CELSR1: variants seen among roughly 807,000 people sequenced by gnomAD.
CELSR1 encodes cadherin EGF LAG seven-pass G-type receptor 1.
A neutral mutation model predicts 249.1 loss-of-function variants in CELSR1; 110 were observed. The ratio of observed to expected loss-of-function variants is 0.44; its 90% CI spans 0.38 to 0.52. The LOEUF (loss-of-function observed/expected upper bound fraction) is 0.52, where lower values mean the gene tolerates loss of function less well. CELSR1 is among the 20% of genes least tolerant of loss of function. The pLI is 0.00. For missense variants in CELSR1, 4,109 were observed against 4,296.4 expected (o/e 0.96, Z 1.22); for synonymous variants, 2,113 against 1,900.0 (o/e 1.11, Z -2.92).
intron 25 of CELSR1, among the ~76,000 whole-genome samples, chr22:46,371,552 A>G (rs1328391950): frequency 6.6e-6 from 1 of 151,972 alleles, no homozygotes; most frequent in Non-Finnish European, 1.5e-5. Context: ...CCACTCACTC[A>G]TCCCATCCAC....
chr22:46,476,764 C>T (rs1014037819), intron 1 of CELSR1, among the ~76,000 whole-genome samples: 2 of 151,842 alleles, frequency 1.3e-5, no homozygotes, highest in African/African-American at 4.8e-5. Flanking sequence ...GGTTGCCAAG[C>T]GCAAGGGGCA....
chr22:46,387,222 T>C (rs564221188), intron 18 of CELSR1, among the ~76,000 whole-genome samples: 31 of 152,234 alleles, frequency 2.0e-4, no homozygotes, highest in Non-Finnish European at 3.4e-4. Flanking sequence ...GTCTGTTTGC[T>C]AGCCGAACAA....
Position 46,390,609 on chromosome 22 carries a change from G to C in CELSR1, c.6251-123C>G, listed in dbSNP as rs888915147. The C allele has an allele frequency of 1.3e-5, 10 of 763,018 alleles. No homozygotes were observed. The highest frequency in any genetic ancestry group is 2.1e-5 in the Non-Finnish European group (10 of 475,232). 47.3% of individuals were successfully genotyped at this position (763,018 alleles called of 1,614,324 possible). On this transcript the variant is annotated intron_variant, in intron 16 of 34. Transcript: ENST00000674500. The surrounding 1 kb of genome is among the most constrained non-coding windows in gnomAD (Gnocchi z 6.3). The stretch of plus-strand genomic sequence containing the variant: ...CACTGCGTGGTGGTTAGAACCCCAT[G>C]GGGGCCAGGAGGTCGACACCAGCGC...
At chr22:46,525,288 A>G (rs1439828853) in intron 1 of CELSR1, among the ~76,000 whole-genome samples, 1 of 152,180 alleles carries the variant, frequency 6.6e-6, no homozygotes, top group Non-Finnish European at 1.5e-5. Flanking sequence ...CATGTCTACT[A>G]AAAATACAAA....
Position 46,536,326 on chromosome 22 carries a change from T to A in CELSR1, c.845A>T (p.Tyr282Phe). The A allele has an allele frequency of 6.2e-7, 1 of 1,612,772 alleles. No homozygotes were observed. Among genetic ancestry groups the A allele is most frequent in the Non-Finnish European group, 8.5e-7 (1 of 1,179,902 alleles). ...TIEGEEERVS[Y>F]YMEGLFDERS... ...CTCGTCGAACAGCCCCTCCATGTAA[T>A]AGCTCACGCGCTCCTCCTCGCCCTC... The change falls in exon 1 of 35, where the codon TAT becomes TTT. Residue 282 changes from tyrosine to phenylalanine, a missense_variant. Physicochemically the swap from Tyr to Phe is conservative, Grantham distance 22. Coordinates refer to ENST00000674500, the MANE Select transcript of CELSR1 (RefSeq NM_001378328.1).
At chr22:46,503,660 G>A (rs1384161100) in intron 1 of CELSR1, among the ~76,000 whole-genome samples, 1 of 152,178 alleles carries the variant, frequency 6.6e-6, no homozygotes, top group Non-Finnish European at 1.5e-5. Flanking sequence ...AACCGAAAAC[G>A]GGGCCCAAAG....
At position 46,535,719 on chromosome 22, in the gene CELSR1, C is replaced by G. The variant is rs754255878; in HGVS notation, c.1452G>C (p.Thr484=). The part of the protein sequence containing the change: ...LNTAVLRVQA[T]DRDQGQNAAI... The stretch of plus-strand genomic sequence containing the variant: ...CCGCGTTCTGGCCCTGGTCCCGGTC[C>G]GTGGCCTGCACTCGCAGCACAGCCG... The change falls in exon 1 of 35, where the codon ACG becomes ACC. Residue 484 remains threonine (T), a synonymous_variant. Coordinates refer to ENST00000674500, the MANE Select transcript of CELSR1 (RefSeq NM_001378328.1). 18 of 1,612,638 alleles carry G rather than the reference C, an allele frequency of 1.1e-5. No individual in the cohort carries two copies. Among genetic ancestry groups the G allele is most frequent in the Non-Finnish European group, 1.4e-5 (17 of 1,180,018 alleles).
rs1027349053 is a variant in CELSR1 at position 46,367,089 on chromosome 22, C to G, written c.8109G>C (p.Val2703=). Reference sequence around the variant, plus strand: ...GGTGCTTCCGGACCTCCTGGTTGAGCACGCAGTGGAAAAGGAGGACGAAGG... The same window carrying G: ...GGTGCTTCCGGACCTCCTGGTTGAGGACGCAGTGGAAAAGGAGGACGAAGG... ...QGPFVLLFHC[V]LNQEVRKHLK... The change falls in exon 29 of 35, where the codon GTG becomes GTC. Residue 2703 remains valine (V), a synonymous_variant. Transcript: ENST00000674500. 3.7e-6 allele frequency: 6 copies of G among 1,611,442 alleles called. No homozygotes were observed. In the African/African-American group the frequency reaches 5.3e-5, roughly 14 times the overall value.
chr22:46,397,781 C>T lies in CELSR1; in HGVS notation c.5594G>A (p.Arg1865Lys). ...TLNMNNALKV[R>K]VKDGCDVDDP... is the part of the protein sequence containing the mutation. ...GTCCACATCACAGCCGTCCTTCACC[C>T]TGACCTTGAGTGCGTTGTTCATGTT... Residue 1865 changes from arginine to lysine, a missense_variant, in exon 12 of 35, where the codon AGG becomes AAG. By Grantham distance (26) the Arg-to-Lys change is conservative. Transcript: ENST00000674500. The T allele has an allele frequency of 6.2e-7, 1 of 1,604,550 alleles. No homozygotes were observed. Among genetic ancestry groups the T allele is most frequent in the Non-Finnish European group, 8.5e-7 (1 of 1,174,880 alleles).
In CELSR1 at chr22:46,377,837, G is replaced by A. The variant is rs180829662; in HGVS notation, c.7384-576C>T. Reference sequence around the variant, plus strand: ...AGGGCTGACTCACCCTTCCAAGAATGTGACAGAAACCAGGGCCACTTCACA... The same window carrying A: ...AGGGCTGACTCACCCTTCCAAGAATATGACAGAAACCAGGGCCACTTCACA... On this transcript the variant is annotated intron_variant, in intron 23 of 34. Coordinates refer to ENST00000674500, the MANE Select transcript of CELSR1 (RefSeq NM_001378328.1). Among the ~76,000 whole-genome samples, 327 of 152,354 alleles carry A rather than the reference G, an allele frequency of 2.1e-3. 3 individuals are homozygous for A. The highest frequency in any genetic ancestry group is 0.014 in the Middle Eastern group (4 of 294).
rs755927158 is a variant in CELSR1, at chr22:46,394,254, A to G, written c.5852T>C (p.Leu1951Pro). Residue 1951 changes from leucine (L) to proline (P), a missense_variant, in exon 14 of 35, where the codon CTT becomes CCT. Coordinates refer to ENST00000674500, the MANE Select transcript of CELSR1 (RefSeq NM_001378328.1). Reference protein sequence around the residue: ...YGPYCENKLDLPCPRGWWGNP... With the variant: ...YGPYCENKLDPPCPRGWWGNP... ...CCCCCACCAGCCTCTGGGGCACGGA[A>G]GGTCGAGTCTGTGGGGAAAATAAGA... 2 of 1,613,278 alleles carry G rather than the reference A, an allele frequency of 1.2e-6. No homozygotes were observed. The highest frequency in any genetic ancestry group is 1.1e-5 in the South Asian group (1 of 91,034).
intron 2 of CELSR1, among the ~76,000 whole-genome samples, chr22:46,450,491 C>T (rs2079870928): frequency 1.3e-5 from 2 of 152,254 alleles, no homozygotes; most frequent in Non-Finnish European, 2.9e-5. Flanking sequence ...ACCTTCCCTA[C>T]AAGGCAGGCC....
chr22:46,457,866 GAGGCAGCAC>G (rs978216860), intron 2 of CELSR1, among the ~76,000 whole-genome samples: 24 of 152,338 alleles, frequency 1.6e-4, no homozygotes, highest in Admixed American at 8.5e-4. Flanking sequence ...CTCAGCACCA[GAGGCAGCAC>G]AGGCAGCACT....
In CELSR1 at chr22:46,451,879, G is replaced by A. The variant is rs552767858; in HGVS notation, c.4183+11828C>T. On this transcript the variant is annotated intron_variant, in intron 2 of 34. Coordinates refer to ENST00000674500, the MANE Select transcript of CELSR1 (RefSeq NM_001378328.1). ...AATCCGATTAGCAGGTGGGCTCGAT[G>A]CAATCACAACATGAATTATCGTAAA... Among the ~76,000 whole-genome samples, 9 of 152,350 alleles carry A rather than the reference G, an allele frequency of 5.9e-5. 1 individual carries two copies. The highest frequency in any genetic ancestry group is 2.2e-4 in the African/African-American group (9 of 41,580).
intron 1 of CELSR1, among the ~76,000 whole-genome samples, chr22:46,466,235 C>T (rs766906495): frequency 5.9e-5 from 9 of 152,330 alleles, no homozygotes; most frequent in African/African-American, 1.4e-4. Context: ...TCAGAGAGTG[C>T]GTTCCTTCCC....
intron 5 of CELSR1, among the ~76,000 whole-genome samples, chr22:46,416,654 T>C (rs1324174114): frequency 6.6e-6 from 1 of 152,146 alleles, no homozygotes; most frequent in Non-Finnish European, 1.5e-5. Flanking sequence ...AAACCTACAG[T>C]GCCGCTGAGC....
At chr22:46,499,852 A>G (rs914951768) in intron 1 of CELSR1, among the ~76,000 whole-genome samples, 7 of 151,944 alleles carry the variant, frequency 4.6e-5, no homozygotes, top group African/African-American at 1.7e-4. Flanking sequence ...CATCTGTCAG[A>G]CATAAAACCC....
rs1465711066 is a variant in CELSR1, at chr22:46,518,982, A to G, written c.3544+14645T>C. 6.6e-6 allele frequency among the ~76,000 whole-genome samples: 1 copy of G among 152,242 alleles called. No homozygotes were observed. Among genetic ancestry groups the G allele is most frequent in the Middle Eastern group, 3.4e-3 (1 of 294 alleles). On this transcript the variant is annotated intron_variant, in intron 1 of 34. Coordinates refer to ENST00000674500, the MANE Select transcript of CELSR1 (RefSeq NM_001378328.1). This position sits in a 1 kb window ranked among gnomAD's most constrained non-coding sequence, Gnocchi z 5.2. ...CAGGAGGCAAAGGTTGCAATGAGCC[A>G]AGATTGAGCCACTGTACTCCAGCCT...
intron 1 of CELSR1, among the ~76,000 whole-genome samples, chr22:46,502,339 G>C (rs115133274): frequency 0.079 from 8,491 of 108,078 alleles, 640 homozygotes; most frequent in Non-Finnish European, 0.11. Flanking sequence ...AGGGTAGGGA[G>C]GGGGAGAGGA....
Sources: allele counts gnomAD v4.1 joint callset (sites outside exome capture counted in the v4.1 genomes callset), GRCh38; gene constraint gnomAD v4.1.1; non-coding constraint Gnocchi (gnomAD v3.1); transcripts MANE v1.5; gene names NCBI Gene and HGNC (gene_info 2026-07-23, HGNC 2026-07-21).